BCAS3: variants seen among roughly 807,000 people sequenced by gnomAD.
BCAS3 encodes the protein BCAS3 microtubule associated cell migration factor.
BCAS3 carries 53 observed loss-of-function variants against 116.1 expected under a neutral mutation model. The observed-to-expected ratio is 0.46, with a 90% confidence interval of 0.37 to 0.57. The LOEUF is 0.57. Among genes scored for constraint, BCAS3 ranks in the 20% least tolerant of loss-of-function variants. BCAS3 has a pLI of 0.00. For synonymous variants in BCAS3, 391 were observed against 408.2 expected (o/e 0.96, Z 0.51); for missense variants, 917 against 1,165.4 (o/e 0.79, Z 3.10).
Position 61,239,521 on chromosome 17 carries a change from C to T in BCAS3, c.2426-128806C>T, listed in dbSNP as rs1338834704. On this transcript the variant is annotated intron_variant, in intron 22 of 23. Coordinates refer to ENST00000407086, the MANE Select transcript of BCAS3 (RefSeq NM_017679.5). The surrounding 1 kb of genome is among the most constrained non-coding windows in gnomAD (Gnocchi z 4.2). ...GTGATGAGTAATTCTTTCTTTCTGA[C>T]GTTAATCATTTGCATTTTATCAGTG... Among the ~76,000 whole-genome samples, 5 of 152,054 alleles carry T rather than the reference C, an allele frequency of 3.3e-5. No homozygotes were observed. Among genetic ancestry groups the T allele is most frequent in the South Asian group, 2.1e-4 (1 of 4,822 alleles).
At chr17:61,336,398 C>T (rs1189841340) in intron 22 of BCAS3, among the ~76,000 whole-genome samples, 3 of 152,204 alleles carry the variant, frequency 2.0e-5, no homozygotes, top group Admixed American at 6.5e-5. Flanking sequence ...AACAGACAGC[C>T]TGCATTCTCT....
chr17:61,234,358 G>C (rs1380694514), intron 22 of BCAS3, among the ~76,000 whole-genome samples: 1 of 152,084 alleles, frequency 6.6e-6, no homozygotes, highest in African/African-American at 2.4e-5. Flanking sequence ...GATTACTCCT[G>C]TCCCTCTCTC....
chr17:60,892,314 T>A (rs375646340), intron 10 of BCAS3, among the ~76,000 whole-genome samples: 28 of 133,372 alleles, frequency 2.1e-4, no homozygotes, highest in African/African-American at 9.1e-4. Flanking sequence ...TTTGACTTAT[T>A]TTTTTTTTTT....
intron 14 of BCAS3, among the ~76,000 whole-genome samples, chr17:60,988,223 G>C (rs1260960919): frequency 6.7e-6 from 1 of 149,952 alleles, no homozygotes; most frequent in African/African-American, 2.4e-5. Context: ...TGGTTTACTA[G>C]TATTTTGTTG....
chr17:61,179,200 T>G (rs2079326249), intron 22 of BCAS3, among the ~76,000 whole-genome samples: 1 of 151,916 alleles, frequency 6.6e-6, no homozygotes. Flanking sequence ...TCTTTGCCCT[T>G]AAAATTGAAT....
chr17:60,811,094 T>A, intron 7 of BCAS3: 2 of 631,170 alleles, frequency 3.2e-6, no homozygotes, highest in Non-Finnish European at 5.9e-6. Flanking sequence ...GATATTGACC[T>A]GGACTGCATG....
At chr17:61,043,787 T>C (rs952787130) in intron 19 of BCAS3, among the ~76,000 whole-genome samples, 1 of 152,006 alleles carries the variant, frequency 6.6e-6, no homozygotes, top group African/African-American at 2.4e-5. Context: ...TGAATACAAA[T>C]TATTGTAAAA....
rs962210790 is a variant in BCAS3, at chr17:60,868,159, G to A, written c.477-417G>A. 1.9e-4 allele frequency among the ~76,000 whole-genome samples: 29 copies of A among 151,820 alleles called. 1 individual carries two copies. Among genetic ancestry groups the A allele is most frequent in the African/African-American group, 6.3e-4 (26 of 41,320 alleles). On this transcript the variant is annotated intron_variant, in intron 7 of 23. Coordinates refer to ENST00000407086, the MANE Select transcript of BCAS3 (RefSeq NM_017679.5). ...CTGCCTCAGCCTCCCAGAGAAGCTG[G>A]GACTACAGGCACATGCCACCATGCC...
At chr17:61,176,138 C>CAAAAAAAAAAAAAAAAAAAAAA (rs534042215) in intron 22 of BCAS3, among the ~76,000 whole-genome samples, 1 of 50,038 alleles carries the variant, frequency 2.0e-5, no homozygotes, top group African/African-American at 6.6e-5. Context: ...GACCCTATCT[C>CAAAAAAAAAAAAAAAAAAAAAA]AAAAAAAAAA....
rs1273190454 is a variant in BCAS3, at chr17:61,302,517, G to A, written c.2426-65810G>A. 4.6e-5 allele frequency among the ~76,000 whole-genome samples: 7 copies of A among 152,110 alleles called. No homozygotes were observed. The highest frequency in any genetic ancestry group is 1.2e-4 in the African/African-American group (5 of 41,406). On this transcript the variant is annotated intron_variant, in intron 22 of 23. Coordinates refer to ENST00000407086, the MANE Select transcript of BCAS3 (RefSeq NM_017679.5). The surrounding 1 kb of genome is among the most constrained non-coding windows in gnomAD (Gnocchi z 4.4). ...TAAGAACTGGAAATTAAGATGTGGA[G>A]TATTGTTACACTATTTTTAGATAGT...
Position 61,356,119 on chromosome 17 carries a change from C to T in BCAS3, c.2426-12208C>T, listed in dbSNP as rs1314076096. Among the ~76,000 whole-genome samples the T allele has an allele frequency of 5.3e-5, 8 of 152,148 alleles. No homozygotes were observed. The highest frequency in any genetic ancestry group is 2.6e-4 in the Admixed American group (4 of 15,276). ...AAGTGATTCTCCTGCCTCAGCCTCC[C>T]GAGTAGCTGGGATTACAGGCGCCTG... On this transcript the variant is annotated intron_variant, in intron 22 of 23. Coordinates refer to ENST00000407086, the MANE Select transcript of BCAS3 (RefSeq NM_017679.5). This position sits in a 1 kb window ranked among gnomAD's most constrained non-coding sequence, Gnocchi z 5.4.
At chr17:60,887,426 C>T (rs1018041983) in intron 9 of BCAS3, 22 of 153,676 alleles carry the variant, frequency 1.4e-4, no homozygotes, top group South Asian at 2.0e-4. Flanking sequence ...GTTGCTCACG[C>T]TGGGAGCTGT....
At chr17:60,931,307 G>A (rs2059631337) in intron 13 of BCAS3, among the ~76,000 whole-genome samples, 1 of 151,946 alleles carries the variant, frequency 6.6e-6, no homozygotes, top group Middle Eastern at 3.4e-3. Flanking sequence ...ATGGAACCTC[G>A]CTCTGTTGCC....
intron 23 of BCAS3, among the ~76,000 whole-genome samples, chr17:61,370,398 G>GT (rs113402346): frequency 1.5e-4 from 22 of 148,806 alleles, no homozygotes; most frequent in Admixed American, 2.7e-4. Context: ...TTCTTTTTTT[G>GT]TTTTTTTTTA....
intron 7 of BCAS3, among the ~76,000 whole-genome samples, chr17:60,842,837 T>A (rs1195597404): frequency 6.6e-6 from 1 of 151,894 alleles, no homozygotes; most frequent in Non-Finnish European, 1.5e-5. Context: ...TAATACTGAC[T>A]TTGTTGGGTT....
In BCAS3 at chr17:61,203,952, G is replaced by C. The variant is rs1286735879; in HGVS notation, c.2425+119388G>C. Among the ~76,000 whole-genome samples the C allele has an allele frequency of 6.6e-6, 1 of 152,208 alleles. No individual in the cohort carries two copies. Among genetic ancestry groups the C allele is most frequent in the Non-Finnish European group, 1.5e-5 (1 of 68,038 alleles). ...GATCATTCAAAATGGGGTTCAAGCT[G>C]GGAGGCAGTGCCCGGCCCCCTTCTT... On this transcript the variant is annotated intron_variant, in intron 22 of 23. Coordinates refer to ENST00000407086, the MANE Select transcript of BCAS3 (RefSeq NM_017679.5). The surrounding 1 kb of genome is among the most constrained non-coding windows in gnomAD (Gnocchi z 5.7).
chr17:61,245,854 G>A (rs373396828), intron 22 of BCAS3, among the ~76,000 whole-genome samples: 1 of 152,170 alleles, frequency 6.6e-6, no homozygotes, highest in East Asian at 1.9e-4. Context: ...CTACTGCCTA[G>A]TGCAAGGTCA....
At chr17:61,155,463 A>G (rs2077778082) in intron 22 of BCAS3, among the ~76,000 whole-genome samples, 2 of 151,394 alleles carry the variant, frequency 1.3e-5, no homozygotes, top group Admixed American at 1.3e-4. Flanking sequence ...TTTTTATTTA[A>G]TCAAGCTTAA....
chr17:61,128,228 A>T lies in BCAS3; in HGVS notation c.2425+43664A>T. The T allele has an allele frequency of 1.0e-6, 1 of 985,452 alleles. No individual in the cohort carries two copies. Among genetic ancestry groups the T allele is most frequent in the Non-Finnish European group, 1.2e-6 (1 of 829,920 alleles). The allele number at this position is 985,452 out of a possible 1,614,324, so 61.0% of individuals were successfully genotyped here. ...AGTCAAGGATGAGTACATGAAGATG[A>T]AGCCCATGCAATGAGGACAGCCTAG... On this transcript the variant is annotated intron_variant, in intron 22 of 23. Transcript: ENST00000407086. This position sits in a 1 kb window ranked among gnomAD's most constrained non-coding sequence, Gnocchi z 4.1.
Sources: gnomAD v4.1 joint callset for allele counts (sites outside exome capture counted in the v4.1 genomes callset) on GRCh38, gnomAD v4.1.1 for gene constraint, Gnocchi (gnomAD v3.1) non-coding constraint, MANE v1.5 for transcripts, NCBI Gene and HGNC (gene_info 2026-07-23, HGNC 2026-07-21) for gene names.